The following CCDC178 variants were observed in gnomAD, a reference collection of about 807,000 sequenced individuals.
The protein encoded by CCDC178 is coiled-coil domain containing 178.
CCDC178 carries 126 observed loss-of-function variants against 117.4 expected under a neutral mutation model. The observed-to-expected ratio is 1.07, with a 90% CI of 0.93 to 1.24. CCDC178 has a LOEUF of 1.24. Among genes scored for constraint, CCDC178 ranks in the 50% most tolerant of loss-of-function variants. The pLI, the probability that CCDC178 is intolerant of heterozygous loss-of-function variation, is 0.00. For missense variants in CCDC178, 1,030 were observed against 986.9 expected (o/e 1.04, Z -0.59); for synonymous variants, 283 against 313.4 (o/e 0.90, Z 1.02).
In CCDC178 at chr18:33,296,510, A is replaced by G. The variant is rs761569381; in HGVS notation, c.1023-3198T>C. On this transcript the variant is annotated intron_variant, in intron 11 of 22. Coordinates refer to ENST00000383096, the MANE Select transcript of CCDC178 (RefSeq NM_001105528.4). Reference sequence around the variant, plus strand: ...AGTATATACAATACAAGATACTCCCATTGGAAGAAGCTGGAGGAAGGGTAC... The same window carrying G: ...AGTATATACAATACAAGATACTCCCGTTGGAAGAAGCTGGAGGAAGGGTAC... Among the ~76,000 whole-genome samples, 3 of 152,302 alleles carry G rather than the reference A, an allele frequency of 2.0e-5. No individual in the cohort carries two copies. The East Asian group carries it at 5.8e-4, about 29-fold the overall frequency.
At chr18:33,248,984 T>C (rs1287315671) in intron 14 of CCDC178, among the ~76,000 whole-genome samples, 1 of 152,128 alleles carries the variant, frequency 6.6e-6, no homozygotes, top group East Asian at 1.9e-4. Flanking sequence ...TGGTATCACA[T>C]TGTGGTTTTG....
rs1568198133 is a variant in CCDC178, at chr18:32,984,546, G to GTTTATATATTTTATATATAA, written c.2389-9866_2389-9865insTTATATATAAAATATATAAA. ...GTAGATTTTGATAAAAATGTGTAAA[G>GTTTATATATTTTATATATAA]ACAGTAGTTTATATATTTTGCTTAA... On this transcript the variant is annotated intron_variant, in intron 21 of 22. Transcript: ENST00000383096. Among the ~76,000 whole-genome samples the GTTTATATATTTTATATATAA allele has an allele frequency of 9.0e-3, 1,364 of 151,850 alleles. 22 individuals are homozygous for GTTTATATATTTTATATATAA. Among genetic ancestry groups the GTTTATATATTTTATATATAA allele is most frequent in the African/African-American group, 0.032 (1,311 of 41,434 alleles).
At chr18:33,139,569 C>G (rs1568012223) in intron 20 of CCDC178, among the ~76,000 whole-genome samples, 1 of 152,106 alleles carries the variant, frequency 6.6e-6, no homozygotes, top group Non-Finnish European at 1.5e-5. Context: ...AGACTGGTGG[C>G]ATTTTGCCTC....
At chr18:33,399,013 A>G (rs965549904) in intron 3 of CCDC178, among the ~76,000 whole-genome samples, 3 of 152,188 alleles carry the variant, frequency 2.0e-5, no homozygotes, top group African/African-American at 7.2e-5. Flanking sequence ...CAGCCTGACC[A>G]ACAAGGTGAA....
intron 18 of CCDC178, among the ~76,000 whole-genome samples, chr18:33,218,178 G>A (rs1447154814): frequency 6.7e-6 from 1 of 149,960 alleles, no homozygotes; most frequent in Non-Finnish European, 1.5e-5. Flanking sequence ...AATCCTATTG[G>A]AACCACATTT....
chr18:33,345,648 TC>T (rs2062881594), intron 9 of CCDC178, among the ~76,000 whole-genome samples: 1 of 152,160 alleles, frequency 6.6e-6, no homozygotes, highest in East Asian at 1.9e-4. Context: ...AATACTGTAG[TC>T]ATTATAGGAT....
In CCDC178 at chr18:33,034,892, C is replaced by T. The variant is rs142496819; in HGVS notation, c.2388+57869G>A. On this transcript the variant is annotated intron_variant, in intron 21 of 22. Coordinates refer to ENST00000383096, the MANE Select transcript of CCDC178 (RefSeq NM_001105528.4). ...CTGTACATTACACACTCATTCAATA[C>T]GTATTATTAAAATAATGCCAATATA... is the stretch of plus-strand genomic sequence containing the variant. Among the ~76,000 whole-genome samples, 978 of 151,962 alleles carry T rather than the reference C, an allele frequency of 6.4e-3. 12 individuals are homozygous for T. The highest frequency in any genetic ancestry group is 6.8e-3 in the Middle Eastern group (2 of 294).
chr18:33,328,876 T>C (rs969320991), intron 10 of CCDC178, among the ~76,000 whole-genome samples: 15 of 152,310 alleles, frequency 9.8e-5, no homozygotes, highest in African/African-American at 2.9e-4. Context: ...ATTGATTTCA[T>C]AGATATTTTT....
chr18:33,196,788 G>A (rs2058935675), intron 20 of CCDC178, among the ~76,000 whole-genome samples: 1 of 152,146 alleles, frequency 6.6e-6, no homozygotes, highest in Non-Finnish European at 1.5e-5. Flanking sequence ...CCATCATAGA[G>A]GTAATAGTTA....
At chr18:33,065,029 A>C (rs2056987781) in intron 21 of CCDC178, among the ~76,000 whole-genome samples, 1 of 107,566 alleles carries the variant, frequency 9.3e-6, no homozygotes, top group African/African-American at 5.7e-5. Flanking sequence ...TGGAATTGGA[A>C]AAAAAAAAAA....
chr18:33,043,925 C>T (rs1451854997), intron 21 of CCDC178, among the ~76,000 whole-genome samples: 1 of 151,384 alleles, frequency 6.6e-6, no homozygotes, highest in Non-Finnish European at 1.5e-5. Flanking sequence ...AGATACTATG[C>T]TAAAGAAGGC....
At chr18:33,246,690 T>G (rs1445145685) in intron 14 of CCDC178, among the ~76,000 whole-genome samples, 1 of 151,808 alleles carries the variant, frequency 6.6e-6, no homozygotes, top group East Asian at 1.9e-4. Context: ...TTGCACCAGA[T>G]GAGCGACCAG....
chr18:33,296,188 G>A (rs1475731346), intron 11 of CCDC178, among the ~76,000 whole-genome samples: 1 of 151,988 alleles, frequency 6.6e-6, no homozygotes, highest in African/African-American at 2.4e-5. Flanking sequence ...CAAATCAAAA[G>A]TTAAATGTTA....
At chr18:33,192,264 A>G (rs1488998777) in intron 20 of CCDC178, among the ~76,000 whole-genome samples, 1 of 152,200 alleles carries the variant, frequency 6.6e-6, no homozygotes, top group Non-Finnish European at 1.5e-5. Flanking sequence ...TTCAATAAAA[A>G]TACAGAAAAA....
chr18:33,277,656 G>A lies in CCDC178; in HGVS notation c.1177-10359C>T, dbSNP rs76951703. Among the ~76,000 whole-genome samples the A allele has an allele frequency of 4.7e-3, 716 of 152,164 alleles. 4 individuals carry two copies. Among genetic ancestry groups the A allele is most frequent in the African/African-American group, 0.016 (684 of 41,526 alleles). On this transcript the variant is annotated intron_variant, in intron 12 of 22. Coordinates refer to ENST00000383096, the MANE Select transcript of CCDC178 (RefSeq NM_001105528.4). ...ATCTCATTACAGTTCCAGGCAGAAT[G>A]TATTATGTTTTCACAGTTTCTATGT... is the stretch of plus-strand genomic sequence containing the variant.
intron 2 of CCDC178, among the ~76,000 whole-genome samples, chr18:33,427,841 C>T (rs939551103): frequency 7.9e-5 from 12 of 152,058 alleles, no homozygotes; most frequent in African/African-American, 2.2e-4. Flanking sequence ...TCAGCCTTCA[C>T]GATGTTAAAT....
chr18:33,416,084 G>A (rs1475057216), intron 2 of CCDC178, among the ~76,000 whole-genome samples: 1 of 152,172 alleles, frequency 6.6e-6, no homozygotes, highest in African/African-American at 2.4e-5. Context: ...CTTAGTAAGA[G>A]GGAATGCATT....
intron 14 of CCDC178, among the ~76,000 whole-genome samples, chr18:33,248,888 G>A (rs4799681): frequency 8.6e-5 from 13 of 151,000 alleles, no homozygotes; most frequent in Admixed American, 7.9e-4. Context: ...CACCAACAGT[G>A]TAAAAGTGTT....
intron 7 of CCDC178, among the ~76,000 whole-genome samples, chr18:33,352,170 A>G (rs983768053): frequency 3.3e-5 from 5 of 152,060 alleles, no homozygotes; most frequent in African/African-American, 1.2e-4. Context: ...GTTTTTAAGA[A>G]TTAGTCCCTT....
Sources: allele counts gnomAD v4.1 joint callset (sites outside exome capture counted in the v4.1 genomes callset), GRCh38; gene constraint gnomAD v4.1.1; transcripts MANE v1.5; gene names NCBI Gene and HGNC (gene_info 2026-07-23, HGNC 2026-07-21).